The following P4HA1 variants were observed in gnomAD, a reference collection of about 807,000 sequenced individuals.
P4HA1 encodes the protein prolyl 4-hydroxylase subunit alpha-1.
In P4HA1, 24 loss-of-function variants were observed where a neutral mutation model predicts 72.8. The ratio of observed to expected loss-of-function variants is 0.33; its 90% CI spans 0.24 to 0.46. The LOEUF (loss-of-function observed/expected upper bound fraction) is 0.46, where lower values mean the gene tolerates loss of function less well. Among genes scored for constraint, P4HA1 ranks in the 20% least tolerant of loss-of-function variants. P4HA1 has a pLI of 1.00. For missense variants in P4HA1, 446 were observed against 640.6 expected (o/e 0.70, Z 3.28); for synonymous variants, 201 against 218.8 (o/e 0.92, Z 0.72).
In P4HA1 at chr10:73,068,987, G is replaced by C; in HGVS notation, c.326-4C>G. 6.2e-7 allele frequency: 1 copy of C among 1,600,536 alleles called. No individual in the cohort carries two copies. Among genetic ancestry groups the C allele is most frequent in the Non-Finnish European group, 8.5e-7 (1 of 1,171,826 alleles). ...ATGGTTAGGTTAGAGATAAAGCCTT[G>C]AAATAGATAAATCAAAGAAAAAAAA... On this transcript the variant is annotated splice_region_variant and splice_polypyrimidine_tract_variant and intron_variant, in intron 4 of 14. Coordinates refer to ENST00000394890, the MANE Select transcript of P4HA1 (RefSeq NM_001017962.3).
chr10:73,028,530 C>T (rs1023118993), intron 10 of P4HA1, among the ~76,000 whole-genome samples: 4 of 152,082 alleles, frequency 2.6e-5, no homozygotes, highest in African/African-American at 7.2e-5. Context: ...CTCCTGGGTT[C>T]AAGCAATTCT....
At chr10:73,073,614 G>C (rs902089567) in intron 3 of P4HA1, 117 bp downstream of exon 3, 1 of 649,048 alleles carries the variant, frequency 1.5e-6, no homozygotes, top group African/African-American at 1.8e-5. Context: ...TTTAGCCATT[G>C]CAACTGGCTT....
intron 1 of P4HA1, among the ~76,000 whole-genome samples, chr10:73,084,021 GCAAAATCC>G (rs1314052579): frequency 6.6e-6 from 1 of 152,118 alleles, no homozygotes; most frequent in African/African-American, 2.4e-5. Context: ...CATAGAGTTA[GCAAAATCC>G]CAAATGATGA....
chr10:73,084,275 A>T (rs752215744), intron 1 of P4HA1, among the ~76,000 whole-genome samples: 1 of 152,208 alleles, frequency 6.6e-6, no homozygotes, highest in African/African-American at 2.4e-5. Flanking sequence ...CAAATTCAGA[A>T]GTTTTCATGA....
In P4HA1 at chr10:73,051,236, C is replaced by G. The variant is rs753092507; in HGVS notation, c.717G>C (p.Gln239His). 6.3e-7 allele frequency: 1 copy of G among 1,581,944 alleles called. No homozygotes were observed. The highest frequency in any genetic ancestry group is 1.7e-5 in the Admixed American group (1 of 59,560). Residue 239 changes from glutamine (Q) to histidine (H), a missense_variant, in exon 7 of 15, where the codon CAG becomes CAC. Physicochemically the swap from Gln to His is conservative, Grantham distance 24. Coordinates refer to ENST00000394890, the MANE Select transcript of P4HA1 (RefSeq NM_001017962.3). ...KKLLELDPEH[Q>H]RANGNLKYFE... ...AATATTTTAAGTTACCATTAGCTCT[C>G]TGATGTTCAGGATCTATTAGAAGAG...
intron 10 of P4HA1, among the ~76,000 whole-genome samples, chr10:73,021,815 C>A (rs1840142913): frequency 6.6e-6 from 1 of 152,236 alleles, no homozygotes; most frequent in Non-Finnish European, 1.5e-5. Flanking sequence ...ACAGTCTTAG[C>A]AACTGGCAGA....
chr10:73,029,850 G>A (rs1367340053), intron 10 of P4HA1, among the ~76,000 whole-genome samples: 1 of 151,870 alleles, frequency 6.6e-6, no homozygotes. Flanking sequence ...AAAAAGAGAA[G>A]TGATGAAAAA....
chr10:73,049,454 TA>T (rs1478110370), intron 7 of P4HA1, among the ~76,000 whole-genome samples: 3 of 152,222 alleles, frequency 2.0e-5, no homozygotes, highest in African/African-American at 7.2e-5. Context: ...AAAGGTTCCA[TA>T]ATCAATTAAT....
intron 5 of P4HA1, among the ~76,000 whole-genome samples, chr10:73,058,468 C>A (rs947207337): frequency 6.6e-6 from 1 of 152,198 alleles, no homozygotes; most frequent in Admixed American, 6.5e-5. Context: ...CTTGCCTGTT[C>A]TGGAGCTTGC....
chr10:73,095,791 C>T (rs1842151993), intron 1 of P4HA1, among the ~76,000 whole-genome samples: 1 of 152,194 alleles, frequency 6.6e-6, no homozygotes, highest in South Asian at 2.1e-4. Flanking sequence ...AGAGTCTTCA[C>T]TCTATCCGGA....
chr10:73,056,184 T>C (rs1033048615), intron 5 of P4HA1, among the ~76,000 whole-genome samples: 4 of 152,190 alleles, frequency 2.6e-5, no homozygotes, highest in African/African-American at 9.6e-5. Context: ...TGAAACATAT[T>C]ATAGCTAAAA....
chr10:73,012,520 C>G (rs1839928381), intron 12 of P4HA1, among the ~76,000 whole-genome samples: 1 of 151,976 alleles, frequency 6.6e-6, no homozygotes, highest in African/African-American at 2.4e-5. Context: ...TGTACCTTAC[C>G]TCCTTTTGGA....
chr10:73,069,375 G>C (rs1409889427), intron 4 of P4HA1, among the ~76,000 whole-genome samples: 1 of 152,122 alleles, frequency 6.6e-6, no homozygotes, highest in East Asian at 1.9e-4. Context: ...TATACTTCCA[G>C]ATAACAGATG....
intron 9 of P4HA1, chr10:73,043,814 G>A (rs1235122546): frequency 2.6e-6 from 3 of 1,150,850 alleles, no homozygotes; most frequent in African/African-American, 1.5e-5. Context: ...TATATCATGA[G>A]TTTTCAGAAA....
In P4HA1 at chr10:73,053,636, G is replaced by A. The variant is rs199608700; in HGVS notation, c.464-46C>T. ...GAACTTTAGGAATCTTAACACTACTGTGTATTTATTTAGGACTACACAGCT... is the reference window on the plus strand; with the variant it reads ...GAACTTTAGGAATCTTAACACTACTATGTATTTATTTAGGACTACACAGCT... On this transcript the variant is annotated intron_variant, in intron 5 of 14. Transcript: ENST00000394890. 5.8e-6 allele frequency: 9 copies of A among 1,547,210 alleles called. 1 individual carries two copies. Among genetic ancestry groups the A allele is most frequent in the Non-Finnish European group, 8.0e-6 (9 of 1,128,940 alleles).
At chr10:73,021,965 A>G (rs1244766507) in intron 10 of P4HA1, among the ~76,000 whole-genome samples, 1 of 152,194 alleles carries the variant, frequency 6.6e-6, no homozygotes, top group Non-Finnish European at 1.5e-5. Flanking sequence ...CTGAGGCTTG[A>G]TTAGGTAAAC....
intron 9 of P4HA1, among the ~76,000 whole-genome samples, chr10:73,039,952 C>T (rs1326992846): frequency 5.5e-5 from 8 of 146,564 alleles, no homozygotes; most frequent in African/African-American, 2.1e-4. Context: ...ATCTCTGCTT[C>T]CCAGGCTCAA....
intron 1 of P4HA1, among the ~76,000 whole-genome samples, chr10:73,077,689 A>T (rs1038205685): frequency 2.6e-5 from 4 of 152,156 alleles, no homozygotes; most frequent in Non-Finnish European, 4.4e-5. Flanking sequence ...AAACTTAAAA[A>T]TAAGAAAATG....
In P4HA1 at chr10:73,012,918, C is replaced by T. The variant is rs181205626; in HGVS notation, c.1368+1306G>A. ...TCAAGTGATTCTCGTGCCTCAGCCT[C>T]CTGAGTAGCTGGTACTACAGGTGTG... On this transcript the variant is annotated intron_variant, in intron 12 of 14. Coordinates refer to ENST00000394890, the MANE Select transcript of P4HA1 (RefSeq NM_001017962.3). Among the ~76,000 whole-genome samples the T allele has an allele frequency of 1.8e-3, 272 of 152,210 alleles. 3 individuals are homozygous for T. Among genetic ancestry groups the T allele is most frequent in the African/African-American group, 6.2e-3 (257 of 41,556 alleles).
Sources: allele counts gnomAD v4.1 joint callset (sites outside exome capture counted in the v4.1 genomes callset), GRCh38; gene constraint gnomAD v4.1.1; transcripts MANE v1.5; gene names NCBI Gene and HGNC (gene_info 2026-07-23, HGNC 2026-07-21).